ASAP2: variants seen among roughly 807,000 people sequenced by gnomAD.
ASAP2 encodes the protein arf-GAP with SH3 domain, ANK repeat and PH domain-containing protein 2.
In ASAP2, 45 loss-of-function variants were observed where a neutral mutation model predicts 131.4. That is an observed-to-expected ratio of 0.34 (90% CI 0.27 to 0.44). The LOEUF is 0.44. Among genes scored for constraint, ASAP2 ranks in the 20% least tolerant of loss-of-function variants. The pLI is 1.00. For missense variants in ASAP2, 1,011 were observed against 1,297.0 expected, an observed-to-expected ratio of 0.78 and a Z score of 3.39; for synonymous variants, 510 against 503.0, an observed-to-expected ratio of 1.01 and a Z score of -0.19.
At chr2:9,264,252 A>G (rs1383579091) in intron 1 of ASAP2, among the ~76,000 whole-genome samples, 2 of 152,120 alleles carry the variant, frequency 1.3e-5, no homozygotes, top group Non-Finnish European at 2.9e-5. Context: ...ACTTCTTTGC[A>G]GAAACAACTT....
chr2:9,237,784 G>T (rs1663661554), intron 1 of ASAP2, among the ~76,000 whole-genome samples: 1 of 152,142 alleles, frequency 6.6e-6, no homozygotes, highest in Non-Finnish European at 1.5e-5. Flanking sequence ...TCACCTGGTG[G>T]AGTACATTGT....
At position 9,254,676 on chromosome 2, in the gene ASAP2, T is replaced by C. The variant is rs116652548; in HGVS notation, c.127-24641T>C. On this transcript the variant is annotated intron_variant, in intron 1 of 27. Transcript: ENST00000281419. The stretch of plus-strand genomic sequence containing the variant: ...GGTTTGAGCCACCGTCCCCGGCCTA[T>C]AAACTAAACTTTATCAGAGGTATGT... 6.0e-3 allele frequency among the ~76,000 whole-genome samples: 905 copies of C among 151,368 alleles called. 9 individuals carry two copies. The highest frequency in any genetic ancestry group is 0.021 in the African/African-American group (855 of 41,250).
At chr2:9,263,642 G>A (rs570163372) in intron 1 of ASAP2, among the ~76,000 whole-genome samples, 2 of 152,208 alleles carry the variant, frequency 1.3e-5, no homozygotes, top group Non-Finnish European at 2.9e-5. Flanking sequence ...CAGACCTCCC[G>A]GGAGTGCCTG....
intron 1 of ASAP2, among the ~76,000 whole-genome samples, chr2:9,276,329 G>A (rs2148291129): frequency 6.6e-6 from 1 of 152,274 alleles, no homozygotes; most frequent in Non-Finnish European, 1.5e-5. Context: ...GCAGGGGGAG[G>A]GGGAGCCACA....
intron 9 of ASAP2, among the ~76,000 whole-genome samples, chr2:9,341,634 T>A (rs957016246): frequency 6.6e-6 from 1 of 152,210 alleles, no homozygotes; most frequent in Non-Finnish European, 1.5e-5. Context: ...GACGTATTTC[T>A]TGGTTGTGCA....
rs565980222 is a variant in ASAP2, at chr2:9,269,885, C to T, written c.127-9432C>T. Reference sequence around the variant, plus strand: ...GACTTCCCTTACCCACAGTGTGCACCGTCCCCACTGTCCCCACACACTGTC... The same window carrying T: ...GACTTCCCTTACCCACAGTGTGCACTGTCCCCACTGTCCCCACACACTGTC... On this transcript the variant is annotated intron_variant, in intron 1 of 27. Coordinates refer to ENST00000281419, the MANE Select transcript of ASAP2 (RefSeq NM_003887.3). Among the ~76,000 whole-genome samples, 7 of 152,290 alleles carry T rather than the reference C, an allele frequency of 4.6e-5. No individual in the cohort carries two copies. The South Asian group carries it at 1.2e-3, about 27-fold the overall frequency.
At position 9,217,863 on chromosome 2, in the gene ASAP2, C is replaced by T. The variant is rs1662162409; in HGVS notation, c.126+10633C>T. Among the ~76,000 whole-genome samples the T allele has an allele frequency of 6.6e-6, 1 of 151,738 alleles. No homozygotes were observed. The highest frequency in any genetic ancestry group is 2.1e-4 in the South Asian group (1 of 4,810). ...TCTCCTGACCTCGTGAGGCACCCACCTCGGCTTCCCAAAGTGCTGGGATTA... is the reference window on the plus strand; with the variant it reads ...TCTCCTGACCTCGTGAGGCACCCACTTCGGCTTCCCAAAGTGCTGGGATTA... On this transcript the variant is annotated intron_variant, in intron 1 of 27. Transcript: ENST00000281419. This position sits in a 1 kb window ranked among gnomAD's most constrained non-coding sequence, Gnocchi z 4.0.
chr2:9,344,946 T>C (rs560984042), intron 11 of ASAP2, 146 bp downstream of exon 11: 32 of 575,062 alleles, frequency 5.6e-5, no homozygotes, highest in Non-Finnish European at 9.1e-5. Context: ...TCAGAAACGC[T>C]TGCTGGCCTC....
chr2:9,228,898 G>A (rs1044047222), intron 1 of ASAP2, among the ~76,000 whole-genome samples: 1 of 152,102 alleles, frequency 6.6e-6, no homozygotes, highest in African/African-American at 2.4e-5. Context: ...CCTATTTCCT[G>A]TCAAATTTCT....
At chr2:9,391,879 C>T (rs1675757645) in intron 23 of ASAP2, among the ~76,000 whole-genome samples, 1 of 151,798 alleles carries the variant, frequency 6.6e-6, no homozygotes, top group Non-Finnish European at 1.5e-5. Context: ...TCCATGGTGC[C>T]CAGCCTTGTT....
At chr2:9,290,602 C>T (rs7562917) in intron 2 of ASAP2, among the ~76,000 whole-genome samples, 53,328 of 152,166 alleles carry the variant, frequency 0.35, 9,644 homozygotes, top group African/African-American at 0.41. Flanking sequence ...TTATTTATTC[C>T]TTACGTTGTT....
Position 9,255,811 on chromosome 2 carries a change from C to T in ASAP2, c.127-23506C>T, listed in dbSNP as rs186228441. Among the ~76,000 whole-genome samples, 20 of 152,296 alleles carry T rather than the reference C, an allele frequency of 1.3e-4. 1 individual carries two copies. The highest frequency in any genetic ancestry group is 1.3e-3 in the Admixed American group (20 of 15,294). ...GAAAAGATTTATACTCTGATGTTTG[C>T]ATCACATAGCAGGGAGGTGATCTCA... On this transcript the variant is annotated intron_variant, in intron 1 of 27. Transcript: ENST00000281419.
At chr2:9,291,252 G>A (rs369084550) in intron 2 of ASAP2, among the ~76,000 whole-genome samples, 1 of 152,200 alleles carries the variant, frequency 6.6e-6, no homozygotes, top group East Asian at 1.9e-4. Flanking sequence ...TTCTGGAAGT[G>A]GGATTATCCA....
At chr2:9,253,518 C>T (rs1462056949) in intron 1 of ASAP2, among the ~76,000 whole-genome samples, 1 of 152,186 alleles carries the variant, frequency 6.6e-6, no homozygotes, top group Non-Finnish European at 1.5e-5. Flanking sequence ...CGTCTAAGCA[C>T]CCTACAGATG....
intron 27 of ASAP2, 132 bp from the exon 28 acceptor site, chr2:9,403,120 TA>T (rs1676890188): frequency 2.9e-6 from 2 of 697,436 alleles, no homozygotes; most frequent in South Asian, 3.7e-5. Flanking sequence ...ATGTTTTACC[TA>T]AGTAATTCCT....
intron 24 of ASAP2, among the ~76,000 whole-genome samples, chr2:9,398,002 C>G (rs925178842): frequency 1.6e-4 from 24 of 151,478 alleles, no homozygotes; most frequent in African/African-American, 5.8e-4. Context: ...TCATGATCCG[C>G]CCGCCTCGGC....
At chr2:9,301,887 A>G (rs1668504070) in intron 3 of ASAP2, among the ~76,000 whole-genome samples, 1 of 145,906 alleles carries the variant, frequency 6.9e-6, no homozygotes, top group South Asian at 2.1e-4. Context: ...GCAGTGGCAC[A>G]ATCTCAGCTC....
intron 2 of ASAP2, among the ~76,000 whole-genome samples, chr2:9,295,247 G>A (rs186309271): frequency 2.6e-5 from 4 of 152,282 alleles, no homozygotes; most frequent in African/African-American, 9.6e-5. Flanking sequence ...AGAAAATTTG[G>A]GTTTGAATCC....
intron 10 of ASAP2, 39 bp downstream of exon 10, chr2:9,344,674 C>T (rs769920271): frequency 7.4e-6 from 12 of 1,612,012 alleles, no homozygotes; most frequent in East Asian, 4.5e-5. Context: ...AATGTACGTT[C>T]GTTATCTTGT....
Sources: allele counts gnomAD v4.1 joint callset (sites outside exome capture counted in the v4.1 genomes callset), GRCh38; gene constraint gnomAD v4.1.1; non-coding constraint Gnocchi (gnomAD v3.1); transcripts MANE v1.5; gene names NCBI Gene and HGNC (gene_info 2026-07-23, HGNC 2026-07-21).